SNX29: variants seen among roughly 807,000 people sequenced by gnomAD.
The protein encoded by SNX29 is sorting nexin-29.
SNX29 carries 78 observed loss-of-function variants against 102.1 expected under a neutral mutation model. The ratio of observed to expected loss-of-function variants is 0.76; its 90% CI spans 0.64 to 0.92. The LOEUF (loss-of-function observed/expected upper bound fraction) is 0.92. SNX29 is among the 40% of genes least tolerant of loss of function. The pLI is 0.00. For missense variants in SNX29, 1,280 were observed against 1,061.7 expected (o/e 1.21, Z -2.86); for synonymous variants, 580 against 414.5 (o/e 1.40, Z -4.85).
At chr16:12,001,910 C>T (rs1213937103) in intron 2 of SNX29, among the ~76,000 whole-genome samples, 1 of 151,836 alleles carries the variant, frequency 6.6e-6, no homozygotes, top group African/African-American at 2.4e-5. Flanking sequence ...ATCCCAGCTA[C>T]TTGGGAGACT....
At chr16:12,124,264 G>C (rs1167111831) in intron 11 of SNX29, among the ~76,000 whole-genome samples, 3 of 151,514 alleles carry the variant, frequency 2.0e-5, no homozygotes, top group Non-Finnish European at 4.4e-5. Context: ...ACTGAGGCAG[G>C]AGAATCACTT....
intron 19 of SNX29, among the ~76,000 whole-genome samples, chr16:12,520,084 T>C (rs925943570): frequency 2.0e-5 from 3 of 152,228 alleles, no homozygotes; most frequent in Admixed American, 2.0e-4. Context: ...TGAATTATTC[T>C]GGGATCTTCC....
intron 20 of SNX29, among the ~76,000 whole-genome samples, chr16:12,562,126 C>T (rs1480914464): frequency 3.9e-5 from 6 of 152,160 alleles, no homozygotes. Context: ...CCTGTGTGAC[C>T]CCAAAATGGC....
At position 12,096,018 on chromosome 16, in the gene SNX29, C is replaced by T. The variant is rs1394997885; in HGVS notation, c.1402+17103C>T. On this transcript the variant is annotated intron_variant, in intron 11 of 20. Transcript: ENST00000566228. This position sits in a 1 kb window ranked among gnomAD's most constrained non-coding sequence, Gnocchi z 4.2. ...GCTGTAGTAACATCAGAGAGAGATG[C>T]GAGGCCCCGCAGCCAGCTGCTTGCT... Among the ~76,000 whole-genome samples, 2 of 152,208 alleles carry T rather than the reference C, an allele frequency of 1.3e-5. No homozygotes were observed. The highest frequency in any genetic ancestry group is 2.9e-5 in the Non-Finnish European group (2 of 68,036).
intron 18 of SNX29, among the ~76,000 whole-genome samples, chr16:12,419,365 G>T (rs1440485658): frequency 6.6e-6 from 1 of 152,154 alleles, no homozygotes; most frequent in Non-Finnish European, 1.5e-5. Context: ...CTCCAATGGG[G>T]ACAGTGTGGG....
At chr16:12,446,462 G>T (rs1349936975) in intron 18 of SNX29, among the ~76,000 whole-genome samples, 1 of 152,210 alleles carries the variant, frequency 6.6e-6, no homozygotes, top group Non-Finnish European at 1.5e-5. Context: ...GATATTTAAT[G>T]TAGTAACTGC....
At chr16:12,456,392 A>C (rs899341295) in intron 18 of SNX29, among the ~76,000 whole-genome samples, 3 of 152,204 alleles carry the variant, frequency 2.0e-5, no homozygotes, top group Admixed American at 6.5e-5. Flanking sequence ...ACTGGAAAAA[A>C]CTAGGCAAGA....
At chr16:12,560,365 G>A (rs181130770) in intron 20 of SNX29, among the ~76,000 whole-genome samples, 1 of 152,136 alleles carries the variant, frequency 6.6e-6, no homozygotes, top group Admixed American at 6.5e-5. Context: ...TCTGGTGACA[G>A]GTTGTGCGCT....
rs529670123 is a variant in SNX29 at position 12,490,938 on chromosome 16, G to A, written c.2178+13079G>A. On this transcript the variant is annotated intron_variant, in intron 19 of 20. Transcript: ENST00000566228. ...TTCTCCCAGAAGGGAACCACTCTGCGGAATCATTCTGTGTCCTTATATTAC... is the reference window on the plus strand; with the variant it reads ...TTCTCCCAGAAGGGAACCACTCTGCAGAATCATTCTGTGTCCTTATATTAC... Among the ~76,000 whole-genome samples, 47 of 152,308 alleles carry A rather than the reference G, an allele frequency of 3.1e-4. No individual in the cohort carries two copies. The South Asian group carries it at 9.3e-3, about 30-fold the overall frequency.
chr16:12,042,066 C>T (rs968285519), intron 4 of SNX29, among the ~76,000 whole-genome samples: 3 of 152,032 alleles, frequency 2.0e-5, no homozygotes, highest in African/African-American at 7.2e-5. Flanking sequence ...GAGTCTTGTT[C>T]TGCCACCAGG....
chr16:12,430,561 A>C (rs1203616545), intron 18 of SNX29, among the ~76,000 whole-genome samples: 1 of 152,228 alleles, frequency 6.6e-6, no homozygotes, highest in Non-Finnish European at 1.5e-5. Flanking sequence ...TTGTAAAATG[A>C]GCATAGTGCA....
intron 16 of SNX29, among the ~76,000 whole-genome samples, chr16:12,390,149 G>GGTGTGTGT (rs34547147): frequency 0.078 from 11,319 of 145,564 alleles, 533 homozygotes; most frequent in African/African-American, 0.12. Context: ...GCAATTGAGG[G>GGTGTGTGT]GTGTGTGTGT....
intron 1 of SNX29, among the ~76,000 whole-genome samples, chr16:11,982,423 GTTT>G (rs60761477): frequency 5.8e-5 from 7 of 120,356 alleles, no homozygotes; most frequent in Non-Finnish European, 3.4e-5. Flanking sequence ...CTTTCCATCA[GTTT>G]TTTTTTTTTT....
At chr16:12,558,170 G>C (rs991363274) in intron 20 of SNX29, among the ~76,000 whole-genome samples, 4 of 152,162 alleles carry the variant, frequency 2.6e-5, no homozygotes, top group African/African-American at 9.7e-5. Context: ...TAGGCGTAAT[G>C]CATCTCAGTT....
chr16:12,417,936 C>T (rs1270986435), intron 18 of SNX29, among the ~76,000 whole-genome samples: 3 of 152,096 alleles, frequency 2.0e-5, no homozygotes, highest in Non-Finnish European at 4.4e-5. Flanking sequence ...TCTTGGTACT[C>T]CGCACTGTCT....
chr16:12,286,896 A>T (rs776209274), intron 15 of SNX29, among the ~76,000 whole-genome samples: 16 of 152,168 alleles, frequency 1.1e-4, no homozygotes, highest in Non-Finnish European at 2.1e-4. Context: ...GAGGTCTTTT[A>T]AAAACCCCAC....
chr16:12,259,743 C>T (rs549231727), intron 14 of SNX29, among the ~76,000 whole-genome samples: 17 of 152,334 alleles, frequency 1.1e-4, no homozygotes, highest in South Asian at 2.1e-4. Flanking sequence ...CTCCGATCCA[C>T]GGAATTCGTT....
intron 13 of SNX29, among the ~76,000 whole-genome samples, chr16:12,139,847 G>A (rs1423337022): frequency 1.3e-5 from 2 of 151,900 alleles, no homozygotes; most frequent in Non-Finnish European, 1.5e-5. Context: ...GGTGCGTGGT[G>A]GTGCATGCCT....
chr16:12,237,383 C>A (rs957045871), intron 14 of SNX29, among the ~76,000 whole-genome samples: 7 of 152,222 alleles, frequency 4.6e-5, no homozygotes, highest in Admixed American at 1.3e-4. Context: ...CTAAGCCTCC[C>A]AGATTTTGCA....
Sources: allele counts gnomAD v4.1 joint callset (sites outside exome capture counted in the v4.1 genomes callset), GRCh38; gene constraint gnomAD v4.1.1; non-coding constraint Gnocchi (gnomAD v3.1); transcripts MANE v1.5; gene names NCBI Gene and HGNC (gene_info 2026-07-23, HGNC 2026-07-21).